The following CDK14 variants were observed in gnomAD, a reference collection of about 807,000 sequenced individuals.
CDK14 encodes the protein cyclin dependent kinase 14, also known as cyclin-dependent kinase 14.
Under a neutral mutation model 60.7 loss-of-function variants are expected in CDK14, and 34 were observed. The observed-to-expected ratio is 0.56, with a 90% confidence interval of 0.43 to 0.75. The LOEUF (loss-of-function observed/expected upper bound fraction) is 0.75. Among genes scored for constraint, CDK14 ranks in the 30% least tolerant of loss-of-function variants. The pLI, the probability that CDK14 is intolerant of heterozygous loss-of-function variation, is 0.00. For missense variants in CDK14, 482 were observed against 564.1 expected (o/e 0.85, Z 1.47); for synonymous variants, 197 against 203.7 (o/e 0.97, Z 0.28).
chr7:90,728,166 G>A (rs1802709207), intron 3 of CDK14, among the ~76,000 whole-genome samples: 1 of 151,932 alleles, frequency 6.6e-6, no homozygotes, highest in African/African-American at 2.4e-5. Flanking sequence ...TCCTTTATCT[G>A]CTTTTTTGTT....
chr7:90,652,730 C>T (rs1800670094), intron 2 of CDK14, among the ~76,000 whole-genome samples: 1 of 152,184 alleles, frequency 6.6e-6, no homozygotes, highest in African/African-American at 2.4e-5. Flanking sequence ...TCTTACAATT[C>T]TGAAATAGTT....
At chr7:91,124,195 AT>A (rs531717261) in intron 14 of CDK14, among the ~76,000 whole-genome samples, 119 of 151,558 alleles carry the variant, frequency 7.9e-4, no homozygotes, top group South Asian at 3.3e-3. Flanking sequence ...GCCTTCAAGC[AT>A]TTTTTTTTAT....
chr7:90,719,684 G>A (rs1428473304), intron 2 of CDK14, among the ~76,000 whole-genome samples: 1 of 152,144 alleles, frequency 6.6e-6, no homozygotes, highest in African/African-American at 2.4e-5. Flanking sequence ...CTCAAAGCAA[G>A]TTTGAAATTC....
At chr7:91,118,874 A>T (rs1023779833) in intron 14 of CDK14, among the ~76,000 whole-genome samples, 1 of 152,142 alleles carries the variant, frequency 6.6e-6, no homozygotes. Context: ...AGGAAGCATA[A>T]TCTAAACTTG....
intron 8 of CDK14, among the ~76,000 whole-genome samples, chr7:90,918,847 A>C (rs1025366573): frequency 2.0e-5 from 3 of 152,230 alleles, no homozygotes; most frequent in Admixed American, 6.5e-5. Flanking sequence ...TGGGTTTTAT[A>C]AATTCTTTTA....
intron 4 of CDK14, among the ~76,000 whole-genome samples, chr7:90,779,898 A>G (rs1286961456): frequency 6.6e-6 from 1 of 152,202 alleles, no homozygotes; most frequent in African/African-American, 2.4e-5. Context: ...GAGTCTATAC[A>G]TTGCAATGAA....
At chr7:91,022,518 G>T (rs1164460328) in intron 10 of CDK14, among the ~76,000 whole-genome samples, 1 of 152,144 alleles carries the variant, frequency 6.6e-6, no homozygotes, top group Non-Finnish European at 1.5e-5. Context: ...AAATGTGCAT[G>T]ATTTTAATAA....
intron 8 of CDK14, among the ~76,000 whole-genome samples, chr7:90,939,412 G>A (rs945834486): frequency 1.1e-4 from 17 of 152,144 alleles, no homozygotes; most frequent in African/African-American, 4.1e-4. Flanking sequence ...AGTCTTCTGT[G>A]AACACTCTTG....
chr7:90,614,264 C>G (rs1799605464), intron 2 of CDK14, among the ~76,000 whole-genome samples: 1 of 152,160 alleles, frequency 6.6e-6, no homozygotes, highest in African/African-American at 2.4e-5. Context: ...CTTGGCCTCC[C>G]AAAGTGCTGG....
intron 12 of CDK14, among the ~76,000 whole-genome samples, chr7:91,084,634 T>C (rs1378142870): frequency 6.6e-6 from 1 of 152,260 alleles, no homozygotes; most frequent in African/African-American, 2.4e-5. Context: ...GAATTCAGTG[T>C]CATTAATAAC....
rs561301296 is a variant in CDK14, at chr7:90,861,724, G to A, written c.545-1451G>A. Among the ~76,000 whole-genome samples the A allele has an allele frequency of 7.9e-5, 12 of 152,184 alleles. No homozygotes were observed. In the South Asian group the frequency reaches 1.5e-3, roughly 18 times the overall value. On this transcript the variant is annotated intron_variant, in intron 5 of 14. Transcript: ENST00000380050. ...AGACAACCCAAACCCTTCTTCTTTC[G>A]TCTCCCAGTGCCAGCTGTAAAAAGT...
chr7:90,692,694 A>G, intron 2 of CDK14: 1 of 967,618 alleles, frequency 1.0e-6, no homozygotes, highest in Non-Finnish European at 1.2e-6. Context: ...GGACTAGGGG[A>G]GGAATAAATT....
chr7:90,781,626 T>G (rs1805324446), intron 4 of CDK14, among the ~76,000 whole-genome samples: 1 of 151,108 alleles, frequency 6.6e-6, no homozygotes, highest in Admixed American at 6.6e-5. Context: ...GTTTCAGCTT[T>G]CTACATGTGG....
At chr7:90,907,009 T>C (rs1291038436) in intron 7 of CDK14, among the ~76,000 whole-genome samples, 1 of 152,098 alleles carries the variant, frequency 6.6e-6, no homozygotes, top group Admixed American at 6.6e-5. Context: ...TATTCACTAA[T>C]AACAAATGGT....
chr7:91,068,166 T>C (rs1218647442), intron 11 of CDK14, among the ~76,000 whole-genome samples: 1 of 152,260 alleles, frequency 6.6e-6, no homozygotes, highest in East Asian at 1.9e-4. Context: ...ACTGGCTGAA[T>C]TATGTTGCAT....
Position 91,024,146 on chromosome 7 carries a change from T to C in CDK14, c.1042-21751T>C, listed in dbSNP as rs193097430. 2.1e-4 allele frequency among the ~76,000 whole-genome samples: 32 copies of C among 151,986 alleles called. 1 individual carries two copies. Among genetic ancestry groups the C allele is most frequent in the East Asian group, 3.9e-4 (2 of 5,166 alleles). ...ATGATGATGATGATGATGATGATGA[T>C]GATGATAATGATGTCAGCTGATATT... On this transcript the variant is annotated intron_variant, in intron 10 of 14. Coordinates refer to ENST00000380050, the MANE Select transcript of CDK14 (RefSeq NM_001287135.2).
chr7:91,110,871 C>T (rs951031810), intron 12 of CDK14, among the ~76,000 whole-genome samples: 1 of 152,086 alleles, frequency 6.6e-6, no homozygotes, highest in African/African-American at 2.4e-5. Context: ...ACCATGAAGC[C>T]TATCTCAAAC....
At chr7:90,654,663 C>CA (rs1800715872) in intron 2 of CDK14, among the ~76,000 whole-genome samples, 1 of 151,994 alleles carries the variant, frequency 6.6e-6, no homozygotes, top group Admixed American at 6.6e-5. Flanking sequence ...AATTAATAGG[C>CA]TTTTTTTGGG....
intron 8 of CDK14, among the ~76,000 whole-genome samples, chr7:90,954,132 A>G (rs992560374): frequency 9.2e-5 from 14 of 152,184 alleles, no homozygotes; most frequent in African/African-American, 3.4e-4. Context: ...CCATTGCATT[A>G]TTATTAAAAC....
Sources: allele counts gnomAD v4.1 joint callset (sites outside exome capture counted in the v4.1 genomes callset), GRCh38; gene constraint gnomAD v4.1.1; transcripts MANE v1.5; gene names NCBI Gene and HGNC (gene_info 2026-07-23, HGNC 2026-07-21).